The following BLTP3A variants were observed in gnomAD, a reference collection of about 807,000 sequenced individuals.
BLTP3A encodes bridge-like lipid transfer protein family member 3A.
chr6:34,867,639 G>C, the BLTP3A span: 1 of 1,605,518 alleles, frequency 6.2e-7, no homozygotes, highest in Non-Finnish European at 8.5e-7. Flanking sequence ...GTCATTCCAC[G>C]ACAGATCATG....
At chr6:34,847,921 C>CTTTTTTTTT in the BLTP3A span, among the ~76,000 whole-genome samples, 52 of 91,116 alleles carry the variant, frequency 5.7e-4, no homozygotes, top group Middle Eastern at 8.1e-3. Context: ...TCTTTTTTTC[C>CTTTTTTTTT]TTTTTTTTTT....
At chr6:34,859,652 T>G in the BLTP3A span, 5 of 1,556,582 alleles carry the variant, frequency 3.2e-6, no homozygotes, top group South Asian at 6.1e-5. Flanking sequence ...TCTTACTATG[T>G]GCATTTCTAG....
the BLTP3A span, among the ~76,000 whole-genome samples, chr6:34,828,016 A>G: frequency 2.6e-5 from 4 of 152,212 alleles, no homozygotes; most frequent in Admixed American, 1.3e-4. Flanking sequence ...ATGTAAAATT[A>G]TGTAGCTCTG....
At chr6:34,823,376 C>T in the BLTP3A span, 3 of 1,574,052 alleles carry the variant, frequency 1.9e-6, no homozygotes, top group Non-Finnish European at 2.6e-6. Flanking sequence ...CTGTTATTTC[C>T]AACATATTAA....
chr6:34,802,281 C>G, the BLTP3A span, among the ~76,000 whole-genome samples: 2 of 152,220 alleles, frequency 1.3e-5, no homozygotes, highest in Non-Finnish European at 2.9e-5. Flanking sequence ...TCGTAGCTCA[C>G]TGCAACCTCT....
chr6:34,807,901 TGTG>T, the BLTP3A span, among the ~76,000 whole-genome samples: 1 of 151,636 alleles, frequency 6.6e-6, no homozygotes, highest in Non-Finnish European at 1.5e-5. Context: ...ATTAGCTGGG[TGTG>T]GTGATGGGCA....
chr6:34,863,951 A>G, the BLTP3A span: 7 of 1,516,374 alleles, frequency 4.6e-6, no homozygotes, highest in Non-Finnish European at 6.2e-6. Flanking sequence ...GGATGGGAAT[A>G]AACATGTCTC....
At chr6:34,845,801 G>A in the BLTP3A span, among the ~76,000 whole-genome samples, 25 of 152,004 alleles carry the variant, frequency 1.6e-4, no homozygotes, top group African/African-American at 5.5e-4. Context: ...GTTTCAGCGT[G>A]TTAGCCAGGA....
At chr6:34,857,934 AC>A in the BLTP3A span, 1 of 1,605,956 alleles carries the variant, frequency 6.2e-7, no homozygotes. Context: ...GGAGAGTGTG[AC>A]TTTTATCCCC....
the BLTP3A span, among the ~76,000 whole-genome samples, chr6:34,815,293 G>A: frequency 1.3e-5 from 2 of 151,862 alleles, no homozygotes; most frequent in African/African-American, 2.4e-5. Flanking sequence ...TCTGTTGCCC[G>A]GGCTGGAGTG....
At chr6:34,828,698 A>AT in the BLTP3A span, among the ~76,000 whole-genome samples, 1 of 151,306 alleles carries the variant, frequency 6.6e-6, no homozygotes, top group East Asian at 1.9e-4. Flanking sequence ...TGCCAGCATA[A>AT]TTTTTTTTTC....
chr6:34,872,257 G>T, the BLTP3A span: 1 of 1,548,506 alleles, frequency 6.5e-7, no homozygotes. Flanking sequence ...CTTTACTGGC[G>T]GTTGTTGCAA....
At chr6:34,858,275 C>G in the BLTP3A span, 1 of 1,614,194 alleles carries the variant, frequency 6.2e-7, no homozygotes, top group East Asian at 2.2e-5. Context: ...GGTTTTGCTG[C>G]TGCTGAGTTC....
chr6:34,792,543 C>T, the BLTP3A span, among the ~76,000 whole-genome samples: 3 of 152,314 alleles, frequency 2.0e-5, no homozygotes, highest in Admixed American at 6.5e-5. Flanking sequence ...CTAGTCTCTC[C>T]CCACTCTAAC....
the BLTP3A span, chr6:34,836,149 C>A: frequency 1.2e-6 from 2 of 1,613,722 alleles, no homozygotes; most frequent in African/African-American, 2.7e-5. Context: ...CTCTCTGTCA[C>A]ATGTAGATCA....
chr6:34,835,431 T>A, the BLTP3A span: 1 of 1,614,034 alleles, frequency 6.2e-7, no homozygotes, highest in African/African-American at 1.3e-5. Flanking sequence ...AGTCAGCCCA[T>A]CAAAGAAAGA....
chr6:34,820,758 G>A, the BLTP3A span, among the ~76,000 whole-genome samples: 1 of 148,388 alleles, frequency 6.7e-6, no homozygotes, highest in Non-Finnish European at 1.5e-5. Context: ...GCTCACTGCA[G>A]CCTCAACCTC....
At chr6:34,819,166 T>TA in the BLTP3A span, among the ~76,000 whole-genome samples, 8 of 148,636 alleles carry the variant, frequency 5.4e-5, no homozygotes, top group Admixed American at 2.7e-4. Flanking sequence ...CTTTTTTTTT[T>TA]ATTATACTTT....
At chr6:34,803,402 C>G in the BLTP3A span, among the ~76,000 whole-genome samples, 2 of 152,066 alleles carry the variant, frequency 1.3e-5, no homozygotes, top group Admixed American at 6.6e-5. Flanking sequence ...CTCATGCCCC[C>G]AGTTGCTCTG....
Sources: gnomAD v4.1 joint callset for allele counts (sites outside exome capture counted in the v4.1 genomes callset) on GRCh38, gnomAD v4.1.1 for gene constraint, MANE v1.5 for transcripts, NCBI Gene and HGNC (gene_info 2026-07-23, HGNC 2026-07-21) for gene names.